LRRC75A: variants seen among roughly 807,000 people sequenced by gnomAD.
LRRC75A encodes leucine-rich repeat-containing protein 75A.
In LRRC75A, 12 loss-of-function variants were observed where a neutral mutation model predicts 26.0. The observed-to-expected ratio is 0.46, with a 90% confidence interval of 0.30 to 0.75. The LOEUF is 0.75. Ranked by LOEUF, LRRC75A falls within the 30% of genes least tolerant of loss-of-function variation. The pLI is 0.08. For synonymous variants in LRRC75A, 223 were observed against 219.3 expected, an observed-to-expected ratio of 1.02 and a Z score of -0.15; for missense variants, 410 against 486.6, an observed-to-expected ratio of 0.84 and a Z score of 1.48.
Position 16,491,675 on chromosome 17 carries a change from T to C in LRRC75A, c.246+70A>G. 1 of 1,150,262 alleles carries C rather than the reference T, an allele frequency of 8.7e-7. No individual in the cohort carries two copies. Among genetic ancestry groups the C allele is most frequent in the Non-Finnish European group, 1.1e-6 (1 of 906,686 alleles). 71.3% of individuals were successfully genotyped at this position (1,150,262 alleles called of 1,614,324 possible). A position where few individuals can be genotyped will look rare whatever the true frequency, so the allele number is the denominator to read the frequency against. On this transcript the variant is annotated intron_variant, in intron 1 of 3. Coordinates refer to ENST00000470794, the MANE Select transcript of LRRC75A (RefSeq NM_001113567.3). The surrounding 1 kb of genome is among the most constrained non-coding windows in gnomAD (Gnocchi z 5.9). ...TGCCCCCGGCTTCCTCGGTTAGGGATGGGGCGCCCCCCCCGGCCCAGCACG... is the reference window on the plus strand; with the variant it reads ...TGCCCCCGGCTTCCTCGGTTAGGGACGGGGCGCCCCCCCCGGCCCAGCACG...
chr17:16,483,968 A>G (rs1011950313), intron 1 of LRRC75A, among the ~76,000 whole-genome samples: 2 of 152,176 alleles, frequency 1.3e-5, no homozygotes, highest in African/African-American at 4.8e-5. Context: ...TCATTTTTCT[A>G]TAATTGTATA....
intron 1 of LRRC75A, among the ~76,000 whole-genome samples, chr17:16,466,840 G>A (rs2093773436): frequency 6.6e-6 from 1 of 152,202 alleles, no homozygotes. Context: ...TTTACACAGG[G>A]CAGTCAGAAT....
At chr17:16,453,214 G>T (rs373445095) in intron 2 of LRRC75A, among the ~76,000 whole-genome samples, 1 of 152,016 alleles carries the variant, frequency 6.6e-6, no homozygotes, top group African/African-American at 2.4e-5. Flanking sequence ...GCTTGAACCC[G>T]GGAGGTGGAG....
chr17:16,448,478 TGAG>T (rs1377455144), intron 2 of LRRC75A, among the ~76,000 whole-genome samples: 3 of 152,164 alleles, frequency 2.0e-5, no homozygotes, highest in Non-Finnish European at 4.4e-5. Context: ...AACAAATGAA[TGAG>T]GAGGCCAAGT....
rs1196389240 is a variant in LRRC75A at position 16,491,494 on chromosome 17, G to C, written c.246+251C>G. On this transcript the variant is annotated intron_variant, in intron 1 of 3. Coordinates refer to ENST00000470794, the MANE Select transcript of LRRC75A (RefSeq NM_001113567.3). The surrounding 1 kb of genome is among the most constrained non-coding windows in gnomAD (Gnocchi z 5.9). ...TCTCTGCCTGCGGAGGAGAGCAGTG[G>C]GGACATTATGCCAACAGGTCCCCTT... Among the ~76,000 whole-genome samples, 1 of 152,226 alleles carries C rather than the reference G, an allele frequency of 6.6e-6. No homozygotes were observed. The highest frequency in any genetic ancestry group is 1.5e-5 in the Non-Finnish European group (1 of 68,036).
chr17:16,474,154 C>T (rs532706292), intron 1 of LRRC75A, among the ~76,000 whole-genome samples: 2 of 134,824 alleles, frequency 1.5e-5, no homozygotes, highest in Non-Finnish European at 3.1e-5. Flanking sequence ...ATGGCTCTGC[C>T]CACACGTGGC....
chr17:16,451,627 A>T (rs912737196), intron 2 of LRRC75A, among the ~76,000 whole-genome samples: 1 of 110,096 alleles, frequency 9.1e-6, no homozygotes, highest in African/African-American at 3.2e-5. Flanking sequence ...ATCTCAAAAA[A>T]AAAAATAATA....
chr17:16,462,441 C>A lies in LRRC75A; in HGVS notation c.247-55G>T. The A allele has an allele frequency of 6.2e-7, 1 of 1,606,782 alleles. No individual in the cohort carries two copies. ...GGGCTGGCTGCCCACCCAGCTCGCC[C>A]ACCATCCCCAAGAGAAGTAGGCACA... is the stretch of plus-strand genomic sequence containing the variant. On this transcript the variant is annotated intron_variant, in intron 1 of 3. Coordinates refer to ENST00000470794, the MANE Select transcript of LRRC75A (RefSeq NM_001113567.3). The surrounding 1 kb of genome is among the most constrained non-coding windows in gnomAD (Gnocchi z 4.6).
At chr17:16,470,930 CAAGG>C (rs2093803822) in intron 1 of LRRC75A, among the ~76,000 whole-genome samples, 1 of 151,658 alleles carries the variant, frequency 6.6e-6, no homozygotes, top group Non-Finnish European at 1.5e-5. Flanking sequence ...CCATGTGCGA[CAAGG>C]AAGGGAGGGA....
Position 16,491,839 on chromosome 17 carries a change from TA to T in LRRC75A, c.151del (p.Tyr51ThrfsTer41). 7.1e-7 allele frequency: 1 copy of T among 1,402,132 alleles called. No individual in the cohort carries two copies. The highest frequency in any genetic ancestry group is 9.3e-7 in the Non-Finnish European group (1 of 1,074,680). 86.9% of individuals were successfully genotyped at this position (1,402,132 alleles called of 1,614,324 possible). ...CTGGACCATGCCGACTCGCCGGTGGTAGGGGGGCATCCCCGCGCCCGCGCGC... is the reference window on the plus strand; with the variant it reads ...CTGGACCATGCCGACTCGCCGGTGGTGGGGGGCATCCCCGCGCCCGCGCGC... ...AGRAGAGMPP[Y>X]HRRVGMVQEL... On this transcript the variant is annotated frameshift_variant, in exon 1 of 4. Transcript: ENST00000470794. LOFTEE classifies it high-confidence loss of function. The surrounding 1 kb of genome is among the most constrained non-coding windows in gnomAD (Gnocchi z 5.9).
chr17:16,457,367 T>A (rs2093693550), intron 2 of LRRC75A, among the ~76,000 whole-genome samples: 1 of 152,216 alleles, frequency 6.6e-6, no homozygotes, highest in African/African-American at 2.4e-5. Flanking sequence ...CTCAGAAGGC[T>A]GGGCTCTAGA....
At chr17:16,480,833 C>G (rs547068620) in intron 1 of LRRC75A, among the ~76,000 whole-genome samples, 1 of 152,272 alleles carries the variant, frequency 6.6e-6, no homozygotes, top group East Asian at 1.9e-4. Flanking sequence ...GGCCACCTGT[C>G]CCAACCTGAG....
intron 1 of LRRC75A, among the ~76,000 whole-genome samples, chr17:16,472,414 C>G (rs1465802094): frequency 6.6e-6 from 1 of 152,136 alleles, no homozygotes; most frequent in Non-Finnish European, 1.5e-5. Flanking sequence ...AGTTTGAAGA[C>G]CGGGACTGAG....
rs1172386876 is a variant in LRRC75A, at chr17:16,491,968, C to T, written c.23G>A (p.Gly8Asp). 2.5e-6 allele frequency: 3 copies of T among 1,212,306 alleles called. No homozygotes were observed. The highest frequency in any genetic ancestry group is 1.6e-5 in the African/African-American group (1 of 62,148). 75.1% of individuals were successfully genotyped at this position (1,212,306 alleles called of 1,614,324 possible). A position where few individuals can be genotyped will look rare whatever the true frequency, so the allele number is the denominator to read the frequency against. MGTRQTK[G>D]SLAERASPGA... is the part of the protein sequence containing the mutation. ...GGGGCTGGCTCTCTCCGCCAGGCTG[C>T]CCTTGGTCTGCCGGGTGCCCATGCC... Residue 8 changes from glycine (G) to aspartate (D), a missense_variant, in exon 1 of 4, where the codon GGC becomes GAC. Gly to Asp is a moderately conservative substitution (Grantham distance 94). Transcript: ENST00000470794. The surrounding 1 kb of genome is among the most constrained non-coding windows in gnomAD (Gnocchi z 5.9).
chr17:16,483,925 C>G (rs572469879), intron 1 of LRRC75A, among the ~76,000 whole-genome samples: 4 of 152,328 alleles, frequency 2.6e-5, no homozygotes, highest in African/African-American at 9.6e-5. Flanking sequence ...TTAATGCATA[C>G]TACTTTTTTA....
intron 2 of LRRC75A, among the ~76,000 whole-genome samples, chr17:16,450,643 T>C (rs879348800): frequency 1.3e-5 from 2 of 152,244 alleles, no homozygotes; most frequent in Admixed American, 1.3e-4. Flanking sequence ...AGACTTAGCT[T>C]CTTGCTGAAC....
At chr17:16,481,154 G>A (rs2093833073) in intron 1 of LRRC75A, among the ~76,000 whole-genome samples, 1 of 152,222 alleles carries the variant, frequency 6.6e-6, no homozygotes, top group Non-Finnish European at 1.5e-5. Context: ...GAGCCTCAGC[G>A]CTGCCTGTCC....
At chr17:16,458,437 G>T (rs1568964628) in intron 2 of LRRC75A, among the ~76,000 whole-genome samples, 1 of 152,166 alleles carries the variant, frequency 6.6e-6, no homozygotes, top group Non-Finnish European at 1.5e-5. Context: ...GCTACAGGGC[G>T]AGTGTGCCGC....
At chr17:16,456,224 A>AGAGGAG (rs2093679723) in intron 2 of LRRC75A, among the ~76,000 whole-genome samples, 8 of 90,322 alleles carry the variant, frequency 8.9e-5, no homozygotes, top group African/African-American at 2.6e-4. Flanking sequence ...AAGAGGAGGA[A>AGAGGAG]GAAGAGGAGA....
Sources: gnomAD v4.1 joint callset for allele counts (sites outside exome capture counted in the v4.1 genomes callset) on GRCh38, gnomAD v4.1.1 for gene constraint, Gnocchi (gnomAD v3.1) non-coding constraint, MANE v1.5 for transcripts, NCBI Gene and HGNC (gene_info 2026-07-23, HGNC 2026-07-21) for gene names.